TMEM266: variants seen among roughly 807,000 people sequenced by gnomAD.
TMEM266 encodes the protein Hv1 related protein 1.
A neutral mutation model predicts 50.5 loss-of-function variants in TMEM266; 33 were observed. That is an observed-to-expected ratio of 0.65 (90% CI 0.50 to 0.87). The LOEUF (loss-of-function observed/expected upper bound fraction) is 0.87. TMEM266 is among the 40% of genes least tolerant of loss of function. TMEM266 has a pLI of 0.00. For synonymous variants in TMEM266, 310 were observed against 292.3 expected, an observed-to-expected ratio of 1.06 and a Z score of -0.62; for missense variants, 655 against 695.1, an observed-to-expected ratio of 0.94 and a Z score of 0.65.
chr15:76,085,854 C>G (rs2036768755), intron 1 of TMEM266, among the ~76,000 whole-genome samples: 1 of 152,072 alleles, frequency 6.6e-6, no homozygotes, highest in Non-Finnish European at 1.5e-5. Context: ...TGAGACCAGT[C>G]TGGCCAACAT....
At chr15:76,117,285 T>C (rs1484585974) in intron 1 of TMEM266, among the ~76,000 whole-genome samples, 2 of 152,126 alleles carry the variant, frequency 1.3e-5, no homozygotes, top group African/African-American at 2.4e-5. Context: ...TAAATCGACT[T>C]TTTACCTTAT....
chr15:76,086,110 A>G (rs1016441040), intron 1 of TMEM266, among the ~76,000 whole-genome samples: 1 of 152,124 alleles, frequency 6.6e-6, no homozygotes, highest in African/African-American at 2.4e-5. Flanking sequence ...GCCAAATTGG[A>G]AATGATTGAA....
intron 1 of TMEM266, among the ~76,000 whole-genome samples, chr15:76,090,880 C>CT (rs141872049): frequency 1.4e-3 from 213 of 152,168 alleles, no homozygotes; most frequent in African/African-American, 4.2e-3. Flanking sequence ...TAACAGTAAT[C>CT]TATTGTATAT....
chr15:76,065,235 CCTGT>C (rs2036391304), intron 1 of TMEM266, among the ~76,000 whole-genome samples: 1 of 152,132 alleles, frequency 6.6e-6, no homozygotes, highest in South Asian at 2.1e-4. Flanking sequence ...CCCATTTCTC[CCTGT>C]CTTTTAACTG....
intron 1 of TMEM266, among the ~76,000 whole-genome samples, chr15:76,128,734 C>T (rs1013252316): frequency 6.6e-6 from 1 of 152,188 alleles, no homozygotes; most frequent in Non-Finnish European, 1.5e-5. Context: ...CAGCTGAAGC[C>T]ACCTGCTTAT....
At position 76,123,486 on chromosome 15, in the gene TMEM266, G is replaced by C. The variant is rs1165130975; in HGVS notation, c.-96-10682G>C. 2.6e-5 allele frequency among the ~76,000 whole-genome samples: 4 copies of C among 152,128 alleles called. No individual in the cohort carries two copies. In the East Asian group the frequency reaches 7.7e-4, roughly 29 times the overall value. Reference sequence around the variant, plus strand: ...CTATCTCCACGTAAAAGAACCCCAAGGTTTTGTGAGAGCACATGCTGCCAG... The same window carrying C: ...CTATCTCCACGTAAAAGAACCCCAACGTTTTGTGAGAGCACATGCTGCCAG... On this transcript the variant is annotated intron_variant, in intron 1 of 10. Transcript: ENST00000388942.
intron 8 of TMEM266, among the ~76,000 whole-genome samples, chr15:76,183,432 A>G (rs1225868143): frequency 2.0e-5 from 3 of 152,060 alleles, no homozygotes; most frequent in Non-Finnish European, 2.9e-5. Context: ...TCTTCCTCCA[A>G]GTCCTCGGAG....
At chr15:76,189,994 T>C (rs2038543517) in intron 8 of TMEM266, among the ~76,000 whole-genome samples, 1 of 152,240 alleles carries the variant, frequency 6.6e-6, no homozygotes, top group Admixed American at 6.5e-5. Context: ...CAGTGCCAGG[T>C]TGCTGCCTGG....
chr15:76,090,753 G>C (rs1262869970), intron 1 of TMEM266, among the ~76,000 whole-genome samples: 5 of 152,126 alleles, frequency 3.3e-5, no homozygotes, highest in Admixed American at 3.3e-4. Flanking sequence ...ACTATTAGAA[G>C]CTGGGAAGGG....
chr15:76,203,875 T>C lies in TMEM266; in HGVS notation c.1156T>C (p.Ser386Pro), dbSNP rs766975266. Residue 386 changes from serine to proline, a missense_variant, in exon 11 of 11, where the codon TCG (serine) becomes CCG (proline). Around this residue, in one of 3 missense-constraint regions of TMEM266, gnomAD observed 455 missense variants for 401.8 expected, o/e 1.13. Coordinates refer to ENST00000388942, the MANE Select transcript of TMEM266 (RefSeq NM_152335.3). ...CGGCGGTAATGGCACCAGCGCCACCTCGGAGAGTGCCTCCCGCAGCTCAGT... is the reference window on the plus strand; with the variant it reads ...CGGCGGTAATGGCACCAGCGCCACCCCGGAGAGTGCCTCCCGCAGCTCAGT... The C allele has an allele frequency of 1.4e-5, 23 of 1,614,130 alleles. No homozygotes were observed. The highest frequency in any genetic ancestry group is 1.9e-5 in the Non-Finnish European group (23 of 1,180,012).
rs576086895 is a variant in TMEM266, at chr15:76,160,256, A to G, written c.456+88A>G. 9 of 1,315,598 alleles carry G rather than the reference A, an allele frequency of 6.8e-6. 1 individual carries two copies. Among genetic ancestry groups the G allele is most frequent in the Admixed American group, 5.2e-5 (3 of 58,106 alleles). The allele number at this position is 1,315,598 out of a possible 1,614,324, so 81.5% of individuals were successfully genotyped here. ...AGGTCTACTTCTCGAAATGGTTTCT[A>G]GCATCAGGTCCCCTGCTAGCCCTTG... On this transcript the variant is annotated intron_variant, in intron 5 of 10. Coordinates refer to ENST00000388942, the MANE Select transcript of TMEM266 (RefSeq NM_152335.3). This position sits in a 1 kb window ranked among gnomAD's most constrained non-coding sequence, Gnocchi z 5.7.
intron 5 of TMEM266, among the ~76,000 whole-genome samples, chr15:76,163,997 T>C (rs995846224): frequency 6.6e-6 from 1 of 152,158 alleles, no homozygotes; most frequent in Non-Finnish European, 1.5e-5. Flanking sequence ...CAAAGCACTT[T>C]CATCACCCTC....
At chr15:76,110,673 G>T (rs2037157650) in intron 1 of TMEM266, among the ~76,000 whole-genome samples, 1 of 152,096 alleles carries the variant, frequency 6.6e-6, no homozygotes, top group African/African-American at 2.4e-5. Flanking sequence ...TTTTCCCAAA[G>T]GTAGAAAAAG....
At chr15:76,123,529 G>T (rs917088560) in intron 1 of TMEM266, among the ~76,000 whole-genome samples, 1 of 152,216 alleles carries the variant, frequency 6.6e-6, no homozygotes, top group South Asian at 2.1e-4. Context: ...CCAACATTTG[G>T]CCAGTCTTGT....
chr15:76,089,787 G>T (rs758401540), intron 1 of TMEM266, among the ~76,000 whole-genome samples: 17 of 152,122 alleles, frequency 1.1e-4, no homozygotes, highest in Non-Finnish European at 2.2e-4. Context: ...ATCCAAGTGA[G>T]AAATAATGAG....
intron 1 of TMEM266, among the ~76,000 whole-genome samples, chr15:76,072,438 CAAAAA>C (rs766766619): frequency 9.2e-5 from 5 of 54,562 alleles, no homozygotes; most frequent in Non-Finnish European, 1.6e-4. Context: ...AAAACTCTGT[CAAAAA>C]AAAAAAAAAA....
intron 1 of TMEM266, among the ~76,000 whole-genome samples, chr15:76,085,293 T>C (rs1253665883): frequency 4.0e-5 from 6 of 148,410 alleles, no homozygotes; most frequent in Admixed American, 3.4e-4. Context: ...AGTCTTGCTC[T>C]GTCGCCTAGG....
At chr15:76,085,000 C>T (rs1399222662) in intron 1 of TMEM266, among the ~76,000 whole-genome samples, 1 of 151,176 alleles carries the variant, frequency 6.6e-6, no homozygotes, top group African/African-American at 2.4e-5. Context: ...CACTCTGTTG[C>T]CCAGGCTAGA....
At chr15:76,177,746 A>G (rs1003135528) in intron 8 of TMEM266, among the ~76,000 whole-genome samples, 2 of 152,234 alleles carry the variant, frequency 1.3e-5, no homozygotes, top group Non-Finnish European at 1.5e-5. Context: ...TCGCGTGGTT[A>G]GCCAGCACCG....
Sources: gnomAD v4.1 joint callset for allele counts (sites outside exome capture counted in the v4.1 genomes callset) on GRCh38, gnomAD v4.1.1 for gene constraint, gnomAD v4.1.1 regional missense constraint, Gnocchi (gnomAD v3.1) non-coding constraint, MANE v1.5 for transcripts, NCBI Gene and HGNC (gene_info 2026-07-23, HGNC 2026-07-21) for gene names.